The following STX18 variants were observed in gnomAD, a reference collection of about 807,000 sequenced individuals.
STX18 encodes the protein syntaxin 18.
STX18 carries 40 observed loss-of-function variants against 50.1 expected under a neutral mutation model. The ratio of observed to expected loss-of-function variants is 0.80; its 90% CI spans 0.62 to 1.04. STX18 has a LOEUF of 1.04. Among genes scored for constraint, STX18 ranks in the 50% least tolerant of loss-of-function variants. The probability of loss-of-function intolerance (pLI) is 0.00; values close to 1 mark genes in which losing one functional copy is unlikely to be tolerated. For missense variants in STX18, 410 were observed against 415.8 expected (o/e 0.99, Z 0.12); for synonymous variants, 158 against 151.8 (o/e 1.04, Z -0.30).
chr4:4,442,705 G>A (rs1446251144), intron 5 of STX18, among the ~76,000 whole-genome samples: 4 of 151,878 alleles, frequency 2.6e-5, no homozygotes, highest in East Asian at 1.9e-4. Context: ...GTGTATTGGC[G>A]GGTGGGGAGG....
intron 7 of STX18, chr4:4,426,281 C>G (rs1725239035): frequency 1.3e-5 from 2 of 152,206 alleles, no homozygotes; most frequent in South Asian, 4.1e-4. Flanking sequence ...TTTGCAAAGG[C>G]ATTCCAGTTG....
chr4:4,533,932 A>G (rs1332450598), intron 1 of STX18, among the ~76,000 whole-genome samples: 1 of 152,204 alleles, frequency 6.6e-6, no homozygotes, highest in Non-Finnish European at 1.5e-5. Context: ...TAACCCCAAG[A>G]TGAGTTTCAT....
intron 7 of STX18, among the ~76,000 whole-genome samples, chr4:4,428,961 G>A (rs1725393230): frequency 1.3e-5 from 2 of 152,330 alleles, no homozygotes; most frequent in South Asian, 4.1e-4. Context: ...GCCAGCCGCT[G>A]CTCTGGGCTC....
At chr4:4,457,126 A>G in intron 5 of STX18, 65 bp downstream of exon 5, 1 of 1,460,714 alleles carries the variant, frequency 6.8e-7, no homozygotes, top group Non-Finnish European at 9.5e-7. Context: ...TGCTCTACAA[A>G]CTTTAACTGC....
At chr4:4,513,924 G>C (rs1189474268) in intron 1 of STX18, among the ~76,000 whole-genome samples, 1 of 152,124 alleles carries the variant, frequency 6.6e-6, no homozygotes, top group Non-Finnish European at 1.5e-5. Context: ...GAGGGCAGGG[G>C]TGTGATAAAG....
chr4:4,432,241 G>A (rs986333511), intron 7 of STX18, among the ~76,000 whole-genome samples: 2 of 152,332 alleles, frequency 1.3e-5, no homozygotes, highest in South Asian at 2.1e-4. Context: ...CTTTCAAGGC[G>A]ATGATTTTAA....
chr4:4,529,864 A>G (rs991279017), intron 1 of STX18, among the ~76,000 whole-genome samples: 2 of 152,206 alleles, frequency 1.3e-5, no homozygotes, highest in Non-Finnish European at 2.9e-5. Context: ...ATGCTTTAGA[A>G]TAACAACCAG....
chr4:4,424,361 C>T (rs1248314206), intron 8 of STX18, among the ~76,000 whole-genome samples: 4 of 149,406 alleles, frequency 2.7e-5, no homozygotes, highest in African/African-American at 9.9e-5. Flanking sequence ...TGATGAATCC[C>T]AACAGTATCA....
At chr4:4,470,759 A>C (rs1315264228) in intron 2 of STX18, among the ~76,000 whole-genome samples, 1 of 152,174 alleles carries the variant, frequency 6.6e-6, no homozygotes, top group Non-Finnish European at 1.5e-5. Flanking sequence ...CTGCACCAGG[A>C]AAGGGCATGG....
At chr4:4,514,155 C>T (rs1195558575) in intron 1 of STX18, among the ~76,000 whole-genome samples, 2 of 152,182 alleles carry the variant, frequency 1.3e-5, no homozygotes, top group South Asian at 2.1e-4. Flanking sequence ...ATACTGTTTA[C>T]TGACTATTTC....
At chr4:4,527,081 T>C (rs1324742647) in intron 1 of STX18, among the ~76,000 whole-genome samples, 3 of 152,134 alleles carry the variant, frequency 2.0e-5, no homozygotes, top group Admixed American at 6.6e-5. Context: ...CTGGAGCCAA[T>C]TGGGGCTGTA....
At chr4:4,487,522 T>C (rs772407783) in intron 1 of STX18, among the ~76,000 whole-genome samples, 2 of 152,182 alleles carry the variant, frequency 1.3e-5, no homozygotes, top group African/African-American at 4.8e-5. Context: ...CCAGGGTCCA[T>C]ACTCTGGAAT....
intron 1 of STX18, among the ~76,000 whole-genome samples, chr4:4,496,294 C>T (rs980411217): frequency 2.0e-5 from 3 of 152,172 alleles, no homozygotes; most frequent in African/African-American, 7.2e-5. Flanking sequence ...CTGAGGCTCT[C>T]ACAACTTGAT....
intron 1 of STX18, among the ~76,000 whole-genome samples, chr4:4,508,278 C>T (rs1258832550): frequency 6.6e-6 from 1 of 152,070 alleles, no homozygotes; most frequent in African/African-American, 2.4e-5. Flanking sequence ...ACCACATATC[C>T]CCCGTTTTTG....
chr4:4,539,429 T>C (rs1304429272), intron 1 of STX18, among the ~76,000 whole-genome samples: 1 of 152,192 alleles, frequency 6.6e-6, no homozygotes, highest in Non-Finnish European at 1.5e-5. Context: ...CACTAGCTCT[T>C]CTAGTTAAAC....
At chr4:4,486,152 C>G (rs1242493802) in intron 1 of STX18, among the ~76,000 whole-genome samples, 1 of 152,110 alleles carries the variant, frequency 6.6e-6, no homozygotes, top group Non-Finnish European at 1.5e-5. Flanking sequence ...TCAGAAATTC[C>G]AAGATAATTT....
chr4:4,503,555 T>C (rs1000364976), intron 1 of STX18, among the ~76,000 whole-genome samples: 1 of 152,080 alleles, frequency 6.6e-6, no homozygotes, highest in Non-Finnish European at 1.5e-5. Flanking sequence ...TATGATAAAA[T>C]GATCAATAAA....
At chr4:4,428,955 G>A (rs770905405) in intron 7 of STX18, among the ~76,000 whole-genome samples, 13 of 152,224 alleles carry the variant, frequency 8.5e-5, no homozygotes, top group Non-Finnish European at 1.5e-4. Flanking sequence ...GTGGTTGCCA[G>A]CCGCTGCTCT....
chr4:4,459,016 T>G (rs949947379), intron 3 of STX18, among the ~76,000 whole-genome samples: 1 of 146,464 alleles, frequency 6.8e-6, no homozygotes, highest in Admixed American at 6.8e-5. Flanking sequence ...CATACACACA[T>G]ACACACCCAC....
Sources: gnomAD v4.1 joint callset for allele counts (sites outside exome capture counted in the v4.1 genomes callset) on GRCh38, gnomAD v4.1.1 for gene constraint, MANE v1.5 for transcripts, NCBI Gene and HGNC (gene_info 2026-07-23, HGNC 2026-07-21) for gene names.